The following FSIP2 variants were observed in gnomAD, a reference collection of about 807,000 sequenced individuals.
FSIP2 encodes fibrous sheath interacting protein 2.
In FSIP2, 367 loss-of-function variants were observed where a neutral mutation model predicts 510.5. That is an observed-to-expected ratio of 0.72 (90% CI 0.66 to 0.78). The LOEUF is 0.78. FSIP2 is among the 30% of genes least tolerant of loss of function. The pLI is 0.00. For synonymous variants in FSIP2, 2,601 were observed against 2,732.2 expected, an observed-to-expected ratio of 0.95 and a Z score of 1.50; for missense variants, 7,594 against 7,901.7, an observed-to-expected ratio of 0.96 and a Z score of 1.48.
intron 9 of FSIP2, 83 bp downstream of exon 9, chr2:185,756,361 T>G (rs1439995123): frequency 2.1e-6 from 1 of 475,470 alleles, no homozygotes; most frequent in Non-Finnish European, 3.7e-6. Flanking sequence ...TTTTTTCACT[T>G]AAGTGCAGAC....
chr2:185,760,915 T>A (rs1214854998), intron 9 of FSIP2, 73 bp from the exon 10 acceptor site: 2 of 489,742 alleles, frequency 4.1e-6, no homozygotes, highest in Non-Finnish European at 6.9e-6. Context: ...CAATTTATTG[T>A]ACTTTGATTG....
chr2:185,806,004 G>A lies in FSIP2; in HGVS notation c.16698G>A (p.Lys5566=). ...CATTTAATAATAATGAAATTGAGAA[G>A]AAAAGAAATTTAATTCCAACAGATA... ...SETFNNNEIE[K]KRNLIPTDKK... The change falls in exon 17 of 23, where the codon AAG becomes AAA. Residue 5566 remains lysine, a synonymous_variant. Coordinates refer to ENST00000424728, the MANE Select transcript of FSIP2 (RefSeq NM_173651.4). 6.4e-7 allele frequency: 1 copy of A among 1,554,254 alleles called. No homozygotes were observed. The highest frequency in any genetic ancestry group is 8.7e-7 in the Non-Finnish European group (1 of 1,153,546).
intron 7 of FSIP2, among the ~76,000 whole-genome samples, chr2:185,749,839 T>C (rs1372931099): frequency 6.6e-6 from 1 of 151,792 alleles, no homozygotes; most frequent in Non-Finnish European, 1.5e-5. Flanking sequence ...AATTTTCTTA[T>C]ATTTCTAGTT....
At chr2:185,777,707 C>T (rs1176375324) in intron 13 of FSIP2, among the ~76,000 whole-genome samples, 1 of 151,964 alleles carries the variant, frequency 6.6e-6, no homozygotes, top group Non-Finnish European at 1.5e-5. Context: ...TAAATCAATT[C>T]TATCTATCGT....
rs1186838779 is a variant in FSIP2 at position 185,795,914 on chromosome 2, A to G, written c.8778A>G (p.Glu2926=). The G allele has an allele frequency of 6.5e-7, 1 of 1,534,148 alleles. No individual in the cohort carries two copies. The highest frequency in any genetic ancestry group is 2.0e-5 in the Admixed American group (1 of 50,728). ...FGREIVEMLL[E]KLQLCFLSQI... ...GGGAAATTGTTGAAATGCTACTTGA[A>G]AAACTACAGCTATGCTTTCTGTCCC... The change falls in exon 16 of 23, where the codon GAA becomes GAG. Residue 2926 remains glutamate, a synonymous_variant. Coordinates refer to ENST00000424728, the MANE Select transcript of FSIP2 (RefSeq NM_173651.4).
chr2:185,756,294 G>T lies in FSIP2; in HGVS notation c.1078+16G>T. 1.0e-6 allele frequency: 1 copy of T among 989,996 alleles called. No homozygotes were observed. Among genetic ancestry groups the T allele is most frequent in the Non-Finnish European group, 1.4e-6 (1 of 696,426 alleles). 61.3% of individuals were successfully genotyped at this position (989,996 alleles called of 1,614,324 possible). On this transcript the variant is annotated intron_variant, in intron 9 of 22. Transcript: ENST00000424728. ...GAAACACATGGTAATTGAATATTGT[G>T]ACAAGAAACACTAGATACTAAACAA... is the stretch of plus-strand genomic sequence containing the variant.
At chr2:185,741,591 G>A (rs1221878595) in intron 2 of FSIP2, among the ~76,000 whole-genome samples, 2 of 152,096 alleles carry the variant, frequency 1.3e-5, no homozygotes, top group Non-Finnish European at 2.9e-5. Flanking sequence ...ATTATTGATC[G>A]TTTCCCTTCC....
At chr2:185,810,002 C>A (rs540871673) in intron 17 of FSIP2, among the ~76,000 whole-genome samples, 104 of 152,138 alleles carry the variant, frequency 6.8e-4, no homozygotes, top group African/African-American at 2.5e-3. Context: ...TGATGGCATG[C>A]ATTTGTGGGA....
At chr2:185,743,986 C>T (rs895081788) in intron 3 of FSIP2, among the ~76,000 whole-genome samples, 9 of 151,932 alleles carry the variant, frequency 5.9e-5, no homozygotes, top group Non-Finnish European at 1.2e-4. Context: ...AGGCACATGC[C>T]TCCCAGCTGG....
Position 185,794,813 on chromosome 2 carries a change from T to C in FSIP2, c.7677T>C (p.Tyr2559=). The change falls in exon 16 of 23, where the codon TAT becomes TAC. Residue 2559 remains tyrosine, a synonymous_variant. Transcript: ENST00000424728. ...KMYLVVVTSL[Y]ENNKSRTEVE... ...ACTTGGTAGTTGTGACATCATTATA[T>C]GAAAATAATAAAAGTAGGACAGAAG... 1 of 1,532,664 alleles carries C rather than the reference T, an allele frequency of 6.5e-7. No individual in the cohort carries two copies. Among genetic ancestry groups the C allele is most frequent in the Middle Eastern group, 1.7e-4 (1 of 5,972 alleles). The allele number at this position is 1,532,664 out of a possible 1,614,324, so 94.9% of individuals were successfully genotyped here. A position where few individuals can be genotyped will look rare whatever the true frequency, so the allele number is the denominator to read the frequency against.
Position 185,833,135 on chromosome 2 carries a change from CAAAAATGTCTTCA to C in FSIP2, c.20635_20647del (p.Lys6879LeufsTer41). ...TCCAAACAAGGATCTAAAATGCTGA[CAAAAATGTCTTCA>C]ACTTTGTCAAAGGTGTTTTCTCAAT... On this transcript the variant is annotated frameshift_variant, in exon 23 of 23. Transcript: ENST00000424728. LOFTEE classifies it low-confidence loss of function (END_TRUNC). The C allele has an allele frequency of 6.2e-7, 1 of 1,610,044 alleles. No homozygotes were observed. The highest frequency in any genetic ancestry group is 8.5e-7 in the Non-Finnish European group (1 of 1,177,438).
chr2:185,831,949 A>AT (rs1403468998), intron 22 of FSIP2, 67 bp downstream of exon 22: 8 of 938,718 alleles, frequency 8.5e-6, no homozygotes, highest in Non-Finnish European at 1.2e-5. Context: ...TGAATTTAGA[A>AT]TTTTTTATTA....
chr2:185,770,733 C>A (rs913896248), intron 13 of FSIP2, among the ~76,000 whole-genome samples: 2 of 152,158 alleles, frequency 1.3e-5, no homozygotes, highest in African/African-American at 4.8e-5. Context: ...ATACAATCAT[C>A]CCTTCCCAAT....
Position 185,800,752 on chromosome 2 carries a change from G to A in FSIP2, c.11446G>A (p.Val3816Ile). ...AGGAATGGACTGTGAATGCCTTCAA[G>A]TAGATTACATGTCAGACCTTTTGGA... The part of the protein sequence containing the change: ...KGGMDCECLQ[V>I]DYMSDLLENV... Residue 3816 changes from valine (V) to isoleucine (I), a missense_variant, in exon 17 of 23, where the codon GTA becomes ATA. Transcript: ENST00000424728. The A allele has an allele frequency of 2.0e-6, 3 of 1,533,964 alleles. No individual in the cohort carries two copies. Among genetic ancestry groups the A allele is most frequent in the East Asian group, 2.4e-5 (1 of 40,824 alleles).
chr2:185,824,678 T>C (rs1352540526), intron 20 of FSIP2, among the ~76,000 whole-genome samples, 198 bp downstream of exon 20: 4 of 151,738 alleles, frequency 2.6e-5, no homozygotes. Context: ...CATTAAGATT[T>C]CATCACTGAT....
chr2:185,759,380 T>C (rs1692304796), intron 9 of FSIP2, among the ~76,000 whole-genome samples: 1 of 147,428 alleles, frequency 6.8e-6, no homozygotes, highest in Non-Finnish European at 1.5e-5. Flanking sequence ...ACTCTACTTA[T>C]TCATAATGCA....
At chr2:185,738,598 T>C, upstream of FSIP2, 1 of 1,535,530 alleles carries the variant, frequency 6.5e-7, no homozygotes, top group Non-Finnish European at 8.7e-7. Context: ...TTCGTTAGGA[T>C]TGGCTAAGGC....
chr2:185,760,969 C>G lies in FSIP2; in HGVS notation c.1079-19C>G, dbSNP rs551535789. 2.0e-6 allele frequency: 2 copies of G among 981,676 alleles called. No homozygotes were observed. The highest frequency in any genetic ancestry group is 3.4e-5 in the African/African-American group (2 of 58,688). The allele number at this position is 981,676 out of a possible 1,614,324, so 60.8% of individuals were successfully genotyped here. On this transcript the variant is annotated intron_variant, in intron 9 of 22. Transcript: ENST00000424728. The stretch of plus-strand genomic sequence containing the variant: ...AAAAAAAAAAAAAACTATAGAGTTT[C>G]TCTCTCGTTTTCTTTTAGGACATAC...
intron 20 of FSIP2, among the ~76,000 whole-genome samples, chr2:185,826,131 T>C (rs979662898): frequency 9.2e-5 from 14 of 151,824 alleles, no homozygotes; most frequent in Admixed American, 2.6e-4. Context: ...GGTTATACCA[T>C]TGAGGTTTGT....
Sources: gnomAD v4.1 joint callset for allele counts (sites outside exome capture counted in the v4.1 genomes callset) on GRCh38, gnomAD v4.1.1 for gene constraint, MANE v1.5 for transcripts, NCBI Gene and HGNC (gene_info 2026-07-23, HGNC 2026-07-21) for gene names.